SEPTIN9: variants seen among roughly 807,000 people sequenced by gnomAD.
SEPTIN9 encodes the protein septin 9.
In SEPTIN9, 13 loss-of-function variants were observed where a neutral mutation model predicts 56.6. The observed-to-expected ratio is 0.23, with a 90% CI of 0.15 to 0.37. The LOEUF is 0.37. Ranked by LOEUF, SEPTIN9 falls within the 10% of genes least tolerant of loss-of-function variation. The probability of loss-of-function intolerance (pLI) is 1.00; values close to 1 mark genes in which losing one functional copy is unlikely to be tolerated. For missense variants in SEPTIN9, 650 were observed against 823.1 expected (o/e 0.79, Z 2.57); for synonymous variants, 332 against 334.1 (o/e 0.99, Z 0.07).
At chr17:77,295,761 T>A (rs921451478) in intron 1 of SEPTIN9, among the ~76,000 whole-genome samples, 3 of 150,584 alleles carry the variant, frequency 2.0e-5, no homozygotes, top group Admixed American at 6.6e-5. Context: ...AAGAGGAACC[T>A]TGTTCCCGGC....
chr17:77,450,466 A>ACT lies in SEPTIN9; in HGVS notation c.722-31677_722-31676insTC, dbSNP rs891315470. The ACT allele has an allele frequency of 5.1e-6, 5 of 985,104 alleles. No individual in the cohort carries two copies. In the African/African-American group the frequency reaches 7.0e-5, roughly 14 times the overall value. The allele number at this position is 985,104 out of a possible 1,614,324, so 61.0% of individuals were successfully genotyped here. On this transcript the variant is annotated intron_variant, in intron 3 of 11. Transcript: ENST00000427177. The surrounding 1 kb of genome is among the most constrained non-coding windows in gnomAD (Gnocchi z 6.0). ...TCCCAGCCCCCAGCAAGCCCTCGGAACGAGCCCACTCCCAGGCGCTCTCTC... is the reference window on the plus strand; with the variant it reads ...TCCCAGCCCCCAGCAAGCCCTCGGAACTCGAGCCCACTCCCAGGCGCTCTCTC...
At chr17:77,321,971 G>A (rs1383116230) in intron 2 of SEPTIN9, among the ~76,000 whole-genome samples, 1 of 152,240 alleles carries the variant, frequency 6.6e-6, no homozygotes, top group Non-Finnish European at 1.5e-5. Flanking sequence ...CAGTGGAGCC[G>A]TCCTCGGAGT....
rs759810622 is a variant in SEPTIN9, at chr17:77,402,344, A to G, written c.362A>G (p.Asn121Ser). The G allele has an allele frequency of 6.2e-7, 1 of 1,612,594 alleles. No individual in the cohort carries two copies. The highest frequency in any genetic ancestry group is 1.7e-5 in the Admixed American group (1 of 59,978). The change falls in exon 3 of 12, where the codon AAC (asparagine) becomes AGC (serine). Residue 121 changes from asparagine (N) to serine (S), a missense_variant. Asn to Ser is a conservative substitution (Grantham distance 46). Around this residue, in one of 2 missense-constraint regions of SEPTIN9, gnomAD observed 317 missense variants for 329.1 expected, o/e 0.96. Transcript: ENST00000427177. The surrounding 1 kb of genome is among the most constrained non-coding windows in gnomAD (Gnocchi z 6.6). The stretch of plus-strand genomic sequence containing the variant: ...GACATCTCGTCCAAGCAGGTGGAGA[A>G]CGCCGGGGCCATCGGCCCGTCCCGG... ...SIDISSKQVE[N>S]AGAIGPSRFG...
chr17:77,357,102 T>C (rs1309427682), intron 2 of SEPTIN9, among the ~76,000 whole-genome samples: 1 of 151,930 alleles, frequency 6.6e-6, no homozygotes, highest in African/African-American at 2.4e-5. Context: ...ACTCACTCAG[T>C]GTCTGTCATG....
intron 2 of SEPTIN9, among the ~76,000 whole-genome samples, chr17:77,368,463 C>T (rs1022981831): frequency 7.2e-5 from 11 of 152,112 alleles, no homozygotes; most frequent in Non-Finnish European, 1.6e-4. Context: ...AGGCGTTTGC[C>T]ACCACGCCCG....
At chr17:77,467,741 G>A (rs1195450363) in intron 3 of SEPTIN9, among the ~76,000 whole-genome samples, 3 of 152,252 alleles carry the variant, frequency 2.0e-5, no homozygotes, top group Admixed American at 6.5e-5. Context: ...TCTGGCCAGC[G>A]CGGCCGGCAC....
intron 3 of SEPTIN9, among the ~76,000 whole-genome samples, chr17:77,472,253 T>A (rs1188700794): frequency 6.6e-6 from 1 of 152,180 alleles, no homozygotes; most frequent in Non-Finnish European, 1.5e-5. Flanking sequence ...CTTTACCGAC[T>A]GGGGCCAATT....
chr17:77,321,897 T>A (rs1044294339), intron 2 of SEPTIN9, among the ~76,000 whole-genome samples: 2 of 152,212 alleles, frequency 1.3e-5, no homozygotes, highest in African/African-American at 4.8e-5. Context: ...CCCAGCGTCC[T>A]GCTCTCCGCC....
intron 2 of SEPTIN9, among the ~76,000 whole-genome samples, chr17:77,320,757 C>T (rs73371414): frequency 6.6e-4 from 101 of 152,316 alleles, no homozygotes; most frequent in African/African-American, 2.3e-3. Flanking sequence ...TTTTTGCTTC[C>T]AGCCAAAGTC....
chr17:77,444,785 A>C (rs1294748665), intron 3 of SEPTIN9: 1 of 250,714 alleles, frequency 4.0e-6, no homozygotes, highest in East Asian at 1.1e-4. Flanking sequence ...GTTAATAGTG[A>C]GACGGGCGGA....
At chr17:77,350,610 A>AGAGAGT (rs141783843) in intron 2 of SEPTIN9, among the ~76,000 whole-genome samples, 1 of 149,396 alleles carries the variant, frequency 6.7e-6, no homozygotes, top group Non-Finnish European at 1.5e-5. Context: ...CCTCCAGTGC[A>AGAGAGT]GTGTGTGTGT....
chr17:77,295,774 C>T (rs765189957), intron 1 of SEPTIN9, among the ~76,000 whole-genome samples: 2 of 151,982 alleles, frequency 1.3e-5, no homozygotes, highest in East Asian at 3.9e-4. Flanking sequence ...TTCCCGGCAC[C>T]AGCTGCCCCC....
chr17:77,383,760 C>G (rs1462580285), intron 2 of SEPTIN9, among the ~76,000 whole-genome samples: 1 of 152,170 alleles, frequency 6.6e-6, no homozygotes, highest in Non-Finnish European at 1.5e-5. Context: ...CCGAGGGTAG[C>G]CTTCCCAGGC....
Position 77,429,507 on chromosome 17 carries a change from G to A in SEPTIN9, c.721+26804G>A, listed in dbSNP as rs9915953. Among the ~76,000 whole-genome samples, 2 of 152,176 alleles carry A rather than the reference G, an allele frequency of 1.3e-5. No individual in the cohort carries two copies. The highest frequency in any genetic ancestry group is 1.9e-4 in the East Asian group (1 of 5,196). ...GGGCATCCAAAAAGGCCAACAGTTCGGTGGGGAGAGGAGGCGCAAGGCTGG... is the reference window on the plus strand; with the variant it reads ...GGGCATCCAAAAAGGCCAACAGTTCAGTGGGGAGAGGAGGCGCAAGGCTGG... On this transcript the variant is annotated intron_variant, in intron 3 of 11. Transcript: ENST00000427177. The surrounding 1 kb of genome is among the most constrained non-coding windows in gnomAD (Gnocchi z 5.2).
chr17:77,464,835 C>T lies in SEPTIN9; in HGVS notation c.722-17309C>T, dbSNP rs182679279. 2.6e-5 allele frequency among the ~76,000 whole-genome samples: 4 copies of T among 151,982 alleles called. No homozygotes were observed. In the East Asian group the frequency reaches 7.8e-4, roughly 30 times the overall value. On this transcript the variant is annotated intron_variant, in intron 3 of 11. Coordinates refer to ENST00000427177, the MANE Select transcript of SEPTIN9 (RefSeq NM_001113491.2). ...GTCTCAATCTCCTGACCTCGTGATC[C>T]ACCCGCCTCAGCCTCCCAAAGTGCT...
At chr17:77,335,421 T>C (rs1156619050) in intron 2 of SEPTIN9, among the ~76,000 whole-genome samples, 1 of 150,944 alleles carries the variant, frequency 6.6e-6, no homozygotes, top group Non-Finnish European at 1.5e-5. Context: ...TATATGTACA[T>C]ATATACATGT....
intron 3 of SEPTIN9, among the ~76,000 whole-genome samples, chr17:77,413,125 A>AT (rs1398111687): frequency 6.8e-6 from 1 of 146,608 alleles, no homozygotes; most frequent in Non-Finnish European, 1.5e-5. Flanking sequence ...TGTGTGTGCT[A>AT]TTTTTATCAG....
Position 77,420,619 on chromosome 17 carries a change from G to A in SEPTIN9, c.721+17916G>A, listed in dbSNP as rs4789496. Reference sequence around the variant, plus strand: ...GTGGACAGTCCTTTAGATCTCAGGCGGACTTCCCTGCCGGCCGTTCCTCCT... The same window carrying A: ...GTGGACAGTCCTTTAGATCTCAGGCAGACTTCCCTGCCGGCCGTTCCTCCT... On this transcript the variant is annotated intron_variant, in intron 3 of 11. Transcript: ENST00000427177. Among the ~76,000 whole-genome samples the A allele has an allele frequency of 0.014, 2,137 of 152,190 alleles. 103 individuals are homozygous for A. In the East Asian group the frequency reaches 0.17, roughly 12 times the overall value.
chr17:77,307,927 C>T (rs886928892), intron 2 of SEPTIN9, among the ~76,000 whole-genome samples: 2 of 152,214 alleles, frequency 1.3e-5, no homozygotes, highest in Admixed American at 1.3e-4. Context: ...ATCTTCTCCC[C>T]ACTGGGTGTC....
Sources: allele counts gnomAD v4.1 joint callset (sites outside exome capture counted in the v4.1 genomes callset), GRCh38; gene constraint gnomAD v4.1.1; regional missense constraint gnomAD v4.1.1; non-coding constraint Gnocchi (gnomAD v3.1); transcripts MANE v1.5; gene names NCBI Gene and HGNC (gene_info 2026-07-23, HGNC 2026-07-21).